Variants in ANO6 observed in about 807,000 individuals in gnomAD.
The protein encoded by ANO6 is anoctamin 6.
Under a neutral mutation model 117.5 loss-of-function variants are expected in ANO6, and 106 were observed. The ratio of observed to expected loss-of-function variants is 0.90; its 90% CI spans 0.77 to 1.06. The LOEUF is 1.06. ANO6 is among the 50% of genes least tolerant of loss of function. The pLI, the probability that ANO6 is intolerant of heterozygous loss-of-function variation, is 0.00. For missense variants in ANO6, 955 were observed against 1,121.1 expected (o/e 0.85, Z 2.12); for synonymous variants, 367 against 385.1 (o/e 0.95, Z 0.55).
intron 2 of ANO6, among the ~76,000 whole-genome samples, chr12:45,304,319 C>T (rs770054582): frequency 1.6e-4 from 24 of 152,122 alleles, no homozygotes; most frequent in African/African-American, 5.1e-4. Flanking sequence ...ATGGGTGGCT[C>T]CCATTGTATA....
intron 2 of ANO6, among the ~76,000 whole-genome samples, chr12:45,314,549 T>C (rs1592952346): frequency 6.6e-6 from 1 of 151,274 alleles, no homozygotes; most frequent in South Asian, 2.1e-4. Context: ...TATACACATA[T>C]ATGTGTACAT....
At position 45,299,063 on chromosome 12, in the gene ANO6, A is replaced by G. The variant is rs113377969; in HGVS notation, c.71-2951A>G. Among the ~76,000 whole-genome samples the G allele has an allele frequency of 7.6e-3, 1,151 of 152,264 alleles. 14 individuals carry two copies. Among genetic ancestry groups the G allele is most frequent in the Non-Finnish European group, 0.01 (692 of 68,016 alleles). On this transcript the variant is annotated intron_variant, in intron 1 of 19. Coordinates refer to ENST00000320560, the MANE Select transcript of ANO6 (RefSeq NM_001025356.3). ...CAAAAACCAAAATATCATAAATACC[A>G]TAGATATAATTTTTTTAACATCTGT...
intron 8 of ANO6, among the ~76,000 whole-genome samples, chr12:45,360,698 GT>G (rs906022415): frequency 1.3e-5 from 2 of 151,990 alleles, no homozygotes; most frequent in African/African-American, 4.8e-5. Flanking sequence ...AAGTCATAAA[GT>G]TTTTTTTAAC....
Position 45,429,963 on chromosome 12 carries a change from A to G in ANO6, c.*652A>G. On this transcript the variant is annotated 3_prime_UTR_variant, in exon 20 of 20. Coordinates refer to ENST00000320560, the MANE Select transcript of ANO6 (RefSeq NM_001025356.3). ...TGAAGATAGCAAGGTTTTGAAGCAT[A>G]TTTGTCCTAATCCACAGTGACACTT... The G allele has an allele frequency of 1.0e-6, 1 of 987,444 alleles. No homozygotes were observed. The highest frequency in any genetic ancestry group is 1.2e-6 in the Non-Finnish European group (1 of 831,358). 61.2% of individuals were successfully genotyped at this position (987,444 alleles called of 1,614,324 possible). A position where few individuals can be genotyped will look rare whatever the true frequency, so the allele number is the denominator to read the frequency against.
chr12:45,216,543 C>G (rs1176940614), intron 1 of ANO6, 152 bp downstream of exon 1: 2 of 897,762 alleles, frequency 2.2e-6, no homozygotes, highest in African/African-American at 1.7e-5. Context: ...CTGTCCCCGG[C>G]TGCTTGCAGA....
At chr12:45,391,870 TAAAAA>T (rs1341777541) in intron 12 of ANO6, among the ~76,000 whole-genome samples, 2 of 151,936 alleles carry the variant, frequency 1.3e-5, no homozygotes, top group Non-Finnish European at 2.9e-5. Context: ...AAAAAAATGT[TAAAAA>T]GGAAGTTGCC....
intron 1 of ANO6, among the ~76,000 whole-genome samples, chr12:45,234,192 C>T (rs35054776): frequency 0.059 from 8,953 of 152,056 alleles, 493 homozygotes; most frequent in East Asian, 0.3. Context: ...GAGGAAAATT[C>T]ACTCCTATCT....
chr12:45,392,025 G>A lies in ANO6; in HGVS notation c.1386+1527G>A, dbSNP rs1942466147. 2.0e-5 allele frequency among the ~76,000 whole-genome samples: 3 copies of A among 152,194 alleles called. No individual in the cohort carries two copies. The South Asian group carries it at 6.2e-4, about 31-fold the overall frequency. On this transcript the variant is annotated intron_variant, in intron 12 of 19. Coordinates refer to ENST00000320560, the MANE Select transcript of ANO6 (RefSeq NM_001025356.3). Reference sequence around the variant, plus strand: ...TGTACAGTGGGTGCTGCCCACAGAGGGCGAGCTGAAGCAGGGCAGGGCATC... The same window carrying A: ...TGTACAGTGGGTGCTGCCCACAGAGAGCGAGCTGAAGCAGGGCAGGGCATC...
At chr12:45,372,778 A>C (rs546198396) in intron 9 of ANO6, among the ~76,000 whole-genome samples, 130 of 152,226 alleles carry the variant, frequency 8.5e-4, no homozygotes, top group African/African-American at 2.7e-3. Context: ...TAAAGACCAT[A>C]GAGACTAGGA....
chr12:45,411,103 A>G (rs1461485330), intron 16 of ANO6, among the ~76,000 whole-genome samples: 2 of 152,252 alleles, frequency 1.3e-5, no homozygotes, highest in African/African-American at 4.8e-5. Context: ...GGAACTATTA[A>G]CAGCATTTTT....
intron 1 of ANO6, among the ~76,000 whole-genome samples, chr12:45,267,748 GC>G (rs1938265572): frequency 6.6e-6 from 1 of 152,118 alleles, no homozygotes; most frequent in African/African-American, 2.4e-5. Context: ...CTGAGAACAT[GC>G]CAGTGTGCTC....
chr12:45,351,248 A>G (rs1286800877), intron 7 of ANO6, among the ~76,000 whole-genome samples: 4 of 152,230 alleles, frequency 2.6e-5, no homozygotes, highest in East Asian at 1.9e-4. Flanking sequence ...ACCAAATTCC[A>G]TATTGCACAG....
At chr12:45,356,926 A>G (rs911053733) in intron 7 of ANO6, among the ~76,000 whole-genome samples, 1 of 152,190 alleles carries the variant, frequency 6.6e-6, no homozygotes, top group Non-Finnish European at 1.5e-5. Flanking sequence ...GTTCATGTTC[A>G]TTTGTCTCAT....
In ANO6 at chr12:45,430,323, T is replaced by C. The variant is rs995312183; in HGVS notation, c.*1012T>C. On this transcript the variant is annotated 3_prime_UTR_variant, in exon 20 of 20. Transcript: ENST00000320560. ...TTGTGAATGGCTCACTACACAGCCA[T>C]TGGGGTACAACTGTGTGCATGGGCA... 2.9e-5 allele frequency: 29 copies of C among 985,342 alleles called. No homozygotes were observed. The African/African-American group carries it at 5.1e-4, about 17-fold the overall frequency. The allele number at this position is 985,342 out of a possible 1,614,324, so 61.0% of individuals were successfully genotyped here. A position where few individuals can be genotyped will look rare whatever the true frequency, so the allele number is the denominator to read the frequency against.
chr12:45,255,872 G>A (rs1428022365), intron 1 of ANO6, among the ~76,000 whole-genome samples: 1 of 142,648 alleles, frequency 7.0e-6, no homozygotes, highest in East Asian at 2.1e-4. Context: ...ACAGGCCAGA[G>A]CGCAGTGGCG....
At chr12:45,275,382 G>T (rs1383038372) in intron 1 of ANO6, among the ~76,000 whole-genome samples, 1 of 151,924 alleles carries the variant, frequency 6.6e-6, no homozygotes, top group African/African-American at 2.4e-5. Flanking sequence ...GCTAATTTTT[G>T]TATTTTTAGT....
intron 1 of ANO6, among the ~76,000 whole-genome samples, chr12:45,255,803 G>T (rs1164814504): frequency 7.1e-6 from 1 of 140,090 alleles, no homozygotes; most frequent in Non-Finnish European, 1.5e-5. Flanking sequence ...CTGGCCCCAG[G>T]TTTTCTCCCT....
At chr12:45,242,955 C>G (rs1445116804) in intron 1 of ANO6, among the ~76,000 whole-genome samples, 1 of 152,174 alleles carries the variant, frequency 6.6e-6, no homozygotes, top group African/African-American at 2.4e-5. Context: ...TATCTAATTT[C>G]TGCTGTAACC....
At chr12:45,308,383 G>A (rs773503578) in intron 2 of ANO6, among the ~76,000 whole-genome samples, 8 of 151,948 alleles carry the variant, frequency 5.3e-5, no homozygotes, top group Non-Finnish European at 8.8e-5. Flanking sequence ...AGGAGATTGC[G>A]GAAGCTTTTT....
Sources: gnomAD v4.1 joint callset for allele counts (sites outside exome capture counted in the v4.1 genomes callset) on GRCh38, gnomAD v4.1.1 for gene constraint, MANE v1.5 for transcripts, NCBI Gene and HGNC (gene_info 2026-07-23, HGNC 2026-07-21) for gene names.